Variants in ADAMTS12 observed in about 807,000 individuals in gnomAD.
ADAMTS12 encodes A disintegrin and metalloproteinase with thrombospondin motifs 12.
ADAMTS12 carries 118 observed loss-of-function variants against 167.8 expected under a neutral mutation model. That is an observed-to-expected ratio of 0.70 (90% confidence interval 0.61 to 0.82). ADAMTS12 has a LOEUF of 0.82. Ranked by LOEUF, ADAMTS12 falls within the 40% of genes least tolerant of loss-of-function variation. ADAMTS12 has a pLI of 0.00. For synonymous variants in ADAMTS12, 704 were observed against 716.9 expected (o/e 0.98, Z 0.29); for missense variants, 1,916 against 1,998.8 (o/e 0.96, Z 0.79).
At chr5:33,853,376 G>A (rs1749288261) in intron 2 of ADAMTS12, among the ~76,000 whole-genome samples, 2 of 152,102 alleles carry the variant, frequency 1.3e-5, no homozygotes, top group Non-Finnish European at 2.9e-5. Flanking sequence ...ATTATTGCTT[G>A]GCACACTCAT....
At chr5:33,574,496 G>A (rs1236923793) in intron 19 of ADAMTS12, among the ~76,000 whole-genome samples, 1 of 150,866 alleles carries the variant, frequency 6.6e-6, no homozygotes, top group Non-Finnish European at 1.5e-5. Flanking sequence ...CTATCACAAG[G>A]ACAAAAAACC....
chr5:33,534,234 T>C lies in ADAMTS12; in HGVS notation c.4606+599A>G, dbSNP rs147745123. ...CTCAGGAGTGGACAACTTGGGGGTA[T>C]AACTTGTGCTCTGGAGCTGCCTGGA... On this transcript the variant is annotated intron_variant, in intron 23 of 23. Transcript: ENST00000504830. Among the ~76,000 whole-genome samples, 8 of 152,274 alleles carry C rather than the reference T, an allele frequency of 5.3e-5. No homozygotes were observed. In the East Asian group the frequency reaches 1.5e-3, roughly 29 times the overall value.
intron 3 of ADAMTS12, among the ~76,000 whole-genome samples, chr5:33,749,383 T>G (rs1744897023): frequency 6.6e-6 from 1 of 152,182 alleles, no homozygotes; most frequent in Non-Finnish European, 1.5e-5. Flanking sequence ...TGACAATTCT[T>G]TCCCTTCTCT....
intron 22 of ADAMTS12, 90 bp downstream of exon 22, chr5:33,545,969 C>T: frequency 5.4e-6 from 8 of 1,471,188 alleles, no homozygotes; most frequent in South Asian, 2.8e-5. Flanking sequence ...ATGTAACAAA[C>T]CTGCACGTTG....
At chr5:33,704,572 T>C (rs1329971001) in intron 3 of ADAMTS12, among the ~76,000 whole-genome samples, 4 of 152,188 alleles carry the variant, frequency 2.6e-5, no homozygotes, top group African/African-American at 9.7e-5. Context: ...TTATTGTGGT[T>C]TTGCTTTGCA....
At chr5:33,829,159 C>A (rs6894469) in intron 2 of ADAMTS12, among the ~76,000 whole-genome samples, 42,799 of 151,984 alleles carry the variant, frequency 0.28, 6,980 homozygotes, top group Non-Finnish European at 0.37. Flanking sequence ...TACTTGCATG[C>A]CAATAATGGG....
chr5:33,741,953 A>G (rs1373972474), intron 3 of ADAMTS12, among the ~76,000 whole-genome samples: 1 of 152,162 alleles, frequency 6.6e-6, no homozygotes, highest in East Asian at 1.9e-4. Flanking sequence ...AAACCTCCTA[A>G]TTATATCAAT....
chr5:33,626,136 T>C (rs1739577037), intron 13 of ADAMTS12, among the ~76,000 whole-genome samples: 1 of 152,218 alleles, frequency 6.6e-6, no homozygotes, highest in Non-Finnish European at 1.5e-5. Context: ...TTTCCCATCT[T>C]ACCATCAATT....
intron 5 of ADAMTS12, among the ~76,000 whole-genome samples, chr5:33,666,492 A>G (rs1174477794): frequency 7.2e-6 from 1 of 139,286 alleles, no homozygotes; most frequent in East Asian, 2.3e-4. Flanking sequence ...TCTTCCATAC[A>G]GGGTCTTTTT....
At position 33,835,546 on chromosome 5, in the gene ADAMTS12, C is replaced by A. The variant is rs142807341; in HGVS notation, c.489+45573G>T. Among the ~76,000 whole-genome samples, 488 of 152,340 alleles carry A rather than the reference C, an allele frequency of 3.2e-3. 3 individuals carry two copies. Among genetic ancestry groups the A allele is most frequent in the East Asian group, 0.022 (114 of 5,180 alleles). The stretch of plus-strand genomic sequence containing the variant: ...GATTCAGTATCTGGCGAGGGCCTGT[C>A]TCCTAGTTCATAGGTGGTACATTCT... On this transcript the variant is annotated intron_variant, in intron 2 of 23. Transcript: ENST00000504830.
chr5:33,623,519 G>A (rs149757812), intron 14 of ADAMTS12, among the ~76,000 whole-genome samples: 1 of 152,280 alleles, frequency 6.6e-6, no homozygotes, highest in African/African-American at 2.4e-5. Flanking sequence ...ACCCTTGAAG[G>A]TGAACTCTTC....
chr5:33,788,540 A>G (rs1361944403), intron 2 of ADAMTS12, among the ~76,000 whole-genome samples: 2 of 152,180 alleles, frequency 1.3e-5, no homozygotes, highest in African/African-American at 2.4e-5. Context: ...TCTCTTCTTG[A>G]TAGTTCCACA....
rs1269398484 is a variant in ADAMTS12, at chr5:33,806,631, T to C, written c.490-55083A>G. Among the ~76,000 whole-genome samples the C allele has an allele frequency of 1.2e-4, 18 of 152,328 alleles. 1 individual carries two copies. The highest frequency in any genetic ancestry group is 6.8e-3 in the Middle Eastern group (2 of 294). On this transcript the variant is annotated intron_variant, in intron 2 of 23. Transcript: ENST00000504830. Reference sequence around the variant, plus strand: ...CATTACAAGGCTCTGTCTGAGCTTCTTGATATGCAAAAACATGTTACTGAG... The same window carrying C: ...CATTACAAGGCTCTGTCTGAGCTTCCTGATATGCAAAAACATGTTACTGAG...
At chr5:33,837,191 G>C (rs911547879) in intron 2 of ADAMTS12, among the ~76,000 whole-genome samples, 2 of 152,340 alleles carry the variant, frequency 1.3e-5, no homozygotes, top group East Asian at 3.9e-4. Flanking sequence ...TCAGAGATCG[G>C]GGCTGGGCCC....
intron 3 of ADAMTS12, among the ~76,000 whole-genome samples, chr5:33,733,581 G>A (rs142630971): frequency 6.6e-6 from 1 of 152,314 alleles, no homozygotes; most frequent in African/African-American, 2.4e-5. Flanking sequence ...AACCAGCTTT[G>A]AATGGATTGG....
intron 7 of ADAMTS12, 31 bp from the exon 8 acceptor site, chr5:33,649,728 C>A: frequency 5.6e-6 from 9 of 1,609,706 alleles, no homozygotes; most frequent in Non-Finnish European, 7.6e-6. Context: ...ACAAGAAGAG[C>A]CAGCAGGCAG....
At chr5:33,799,656 C>A (rs1336056249) in intron 2 of ADAMTS12, among the ~76,000 whole-genome samples, 1 of 152,234 alleles carries the variant, frequency 6.6e-6, no homozygotes, top group Non-Finnish European at 1.5e-5. Flanking sequence ...ACCCTCTAGT[C>A]CGATGCTGAC....
chr5:33,594,828 C>A (rs1434157327), intron 17 of ADAMTS12, among the ~76,000 whole-genome samples: 1 of 152,198 alleles, frequency 6.6e-6, no homozygotes, highest in Non-Finnish European at 1.5e-5. Flanking sequence ...TGCTAAGAGA[C>A]TGACATCATT....
intron 2 of ADAMTS12, among the ~76,000 whole-genome samples, chr5:33,767,396 G>A (rs1332998859): frequency 6.6e-6 from 1 of 151,958 alleles, no homozygotes; most frequent in Non-Finnish European, 1.5e-5. Context: ...GCTTTTCTTT[G>A]TATAATTAGA....
Sources: allele counts gnomAD v4.1 joint callset (sites outside exome capture counted in the v4.1 genomes callset), GRCh38; gene constraint gnomAD v4.1.1; transcripts MANE v1.5; gene names NCBI Gene and HGNC (gene_info 2026-07-23, HGNC 2026-07-21).